The following ADGRL4 variants were observed in gnomAD, a reference collection of about 807,000 sequenced individuals.
The protein encoded by ADGRL4 is adhesion G protein-coupled receptor L4, also known as EGF, latrophilin and seven transmembrane domain containing 1.
ADGRL4 carries 90 observed loss-of-function variants against 74.8 expected under a neutral mutation model. That is an observed-to-expected ratio of 1.20 (90% CI 1.02 to 1.43). ADGRL4 has a LOEUF of 1.43. Ranked by LOEUF, ADGRL4 falls within the 40% of genes most tolerant of loss-of-function variation. The pLI, the probability that ADGRL4 is intolerant of heterozygous loss-of-function variation, is 0.00. For missense variants in ADGRL4, 881 were observed against 814.3 expected (o/e 1.08, Z -1.00); for synonymous variants, 311 against 279.2 (o/e 1.11, Z -1.14).
At chr1:78,928,346 G>A (rs769283005) in intron 7 of ADGRL4, among the ~76,000 whole-genome samples, 2 of 151,064 alleles carry the variant, frequency 1.3e-5, no homozygotes, top group Admixed American at 1.3e-4. Flanking sequence ...CCATTCCCAG[G>A]GTTTTGAACT....
At chr1:78,988,652 A>G (rs1048541382) in intron 2 of ADGRL4, among the ~76,000 whole-genome samples, 2 of 151,806 alleles carry the variant, frequency 1.3e-5, no homozygotes, top group Admixed American at 6.6e-5. Flanking sequence ...CCTCTCAACC[A>G]GTTTCTGTCA....
chr1:78,961,121 C>T (rs1649942909), intron 2 of ADGRL4, among the ~76,000 whole-genome samples: 1 of 151,100 alleles, frequency 6.6e-6, no homozygotes, highest in Non-Finnish European at 1.5e-5. Flanking sequence ...GTCTTGCTGT[C>T]ACCAGGCTGA....
chr1:78,985,011 A>G (rs183116576), intron 2 of ADGRL4, among the ~76,000 whole-genome samples: 94 of 151,832 alleles, frequency 6.2e-4, no homozygotes, highest in African/African-American at 2.2e-3. Context: ...ACCTATATGT[A>G]TATATATTTG....
chr1:78,922,544 T>C (rs1409108455), intron 8 of ADGRL4, among the ~76,000 whole-genome samples: 1 of 152,032 alleles, frequency 6.6e-6, no homozygotes, highest in South Asian at 2.1e-4. Context: ...TACTTTTATA[T>C]TAACTAATCA....
intron 2 of ADGRL4, among the ~76,000 whole-genome samples, chr1:78,996,989 G>A (rs762496057): frequency 6.6e-6 from 1 of 152,116 alleles, no homozygotes; most frequent in Non-Finnish European, 1.5e-5. Context: ...ATCAAATGAA[G>A]CAGAGGTTCT....
intron 12 of ADGRL4, among the ~76,000 whole-genome samples, chr1:78,903,836 T>G (rs148221173): frequency 0.038 from 5,844 of 151,868 alleles, 149 homozygotes; most frequent in South Asian, 0.067. Flanking sequence ...CTCAGGAGGC[T>G]GAGGCAGGAG....
chr1:78,948,591 G>A lies in ADGRL4; in HGVS notation c.173-2165C>T, dbSNP rs137931184. On this transcript the variant is annotated intron_variant, in intron 2 of 14. Coordinates refer to ENST00000370742, the MANE Select transcript of ADGRL4 (RefSeq NM_022159.4). Reference sequence around the variant, plus strand: ...TTATGAATAGTCTTCTATAAAATGCGGAAGAGTTAATACTTTATTAACATG... The same window carrying A: ...TTATGAATAGTCTTCTATAAAATGCAGAAGAGTTAATACTTTATTAACATG... Among the ~76,000 whole-genome samples, 20 of 151,890 alleles carry A rather than the reference G, an allele frequency of 1.3e-4. 1 individual carries two copies. The East Asian group carries it at 2.3e-3, about 18-fold the overall frequency.
At chr1:78,977,170 A>T (rs553057152) in intron 2 of ADGRL4, among the ~76,000 whole-genome samples, 1 of 151,920 alleles carries the variant, frequency 6.6e-6, no homozygotes, top group African/African-American at 2.4e-5. Context: ...ATGAAAAAGA[A>T]AAGATATTAT....
intron 2 of ADGRL4, among the ~76,000 whole-genome samples, chr1:78,985,013 A>C (rs1467806730): frequency 6.6e-6 from 1 of 151,694 alleles, no homozygotes; most frequent in African/African-American, 2.4e-5. Context: ...CTATATGTAT[A>C]TATATTTGCT....
chr1:78,917,700 T>A lies in ADGRL4; in HGVS notation c.1683A>T (p.Val561=). Residue 561 remains valine (V), a splice_region_variant and synonymous_variant, in exon 12 of 15, where the codon GTA becomes GTT. Coordinates refer to ENST00000370742, the MANE Select transcript of ADGRL4 (RefSeq NM_022159.4). ...LGYRYYGTTK[V]CWLSTENNFI... ...AGTTGTTTTCGGTGCTAAGCCAACA[T>A]CTGAAAAGTAAATAAAAGATAGAAT... 1 of 1,606,236 alleles carries A rather than the reference T, an allele frequency of 6.2e-7. No homozygotes were observed. The highest frequency in any genetic ancestry group is 1.7e-4 in the Middle Eastern group (1 of 5,860).
chr1:78,989,544 G>A (rs1369045590), intron 2 of ADGRL4, among the ~76,000 whole-genome samples: 1 of 151,762 alleles, frequency 6.6e-6, no homozygotes, highest in Non-Finnish European at 1.5e-5. Context: ...TAAAGAATGG[G>A]GAGTAATATG....
intron 3 of ADGRL4, among the ~76,000 whole-genome samples, chr1:78,944,681 T>C (rs1178911295): frequency 6.6e-6 from 1 of 152,164 alleles, no homozygotes; most frequent in Non-Finnish European, 1.5e-5. Flanking sequence ...TCCATGGAAA[T>C]AACAAAGGGT....
chr1:78,993,189 A>G (rs758944115), intron 2 of ADGRL4, among the ~76,000 whole-genome samples: 6 of 152,176 alleles, frequency 3.9e-5, no homozygotes, highest in Non-Finnish European at 8.8e-5. Flanking sequence ...AAGTTCTCAT[A>G]AAATGACTTA....
At chr1:78,980,691 C>T (rs1015590540) in intron 2 of ADGRL4, among the ~76,000 whole-genome samples, 1 of 151,804 alleles carries the variant, frequency 6.6e-6, no homozygotes, top group Non-Finnish European at 1.5e-5. Flanking sequence ...ACTTTATTTC[C>T]TCACAGAATC....
At chr1:78,988,722 G>A (rs572296509) in intron 2 of ADGRL4, among the ~76,000 whole-genome samples, 2 of 151,882 alleles carry the variant, frequency 1.3e-5, no homozygotes, top group Admixed American at 1.3e-4. Context: ...CACAAGGTGA[G>A]TCTACAGATC....
In ADGRL4 at chr1:78,947,709, T is replaced by C. The variant is rs1265586494; in HGVS notation, c.173-1283A>G. ...AAAGGAAAATAAAGGAATAAAAAATTTTGGACAAAGTTGCAGGCAGAAAAG... is the reference window on the plus strand; with the variant it reads ...AAAGGAAAATAAAGGAATAAAAAATCTTGGACAAAGTTGCAGGCAGAAAAG... On this transcript the variant is annotated intron_variant, in intron 2 of 14. Transcript: ENST00000370742. 3.3e-5 allele frequency among the ~76,000 whole-genome samples: 5 copies of C among 152,104 alleles called. No individual in the cohort carries two copies. The East Asian group carries it at 9.7e-4, about 29-fold the overall frequency.
intron 2 of ADGRL4, among the ~76,000 whole-genome samples, chr1:78,973,525 C>T (rs1282726879): frequency 1.3e-5 from 2 of 150,846 alleles, no homozygotes; most frequent in South Asian, 2.1e-4. Flanking sequence ...GTAACACACG[C>T]AAATCTCTCC....
chr1:78,992,807 T>A (rs1650634731), intron 2 of ADGRL4, among the ~76,000 whole-genome samples: 1 of 152,098 alleles, frequency 6.6e-6, no homozygotes, highest in Non-Finnish European at 1.5e-5. Flanking sequence ...ACAAAAGCTA[T>A]ATAATATATA....
intron 8 of ADGRL4, 40 bp downstream of exon 8, chr1:78,926,846 A>G: frequency 7.0e-7 from 1 of 1,424,316 alleles, no homozygotes; most frequent in Admixed American, 1.7e-5. Flanking sequence ...CTCTGACTGT[A>G]TCACAATCAT....
Sources: gnomAD v4.1 joint callset for allele counts (sites outside exome capture counted in the v4.1 genomes callset) on GRCh38, gnomAD v4.1.1 for gene constraint, MANE v1.5 for transcripts, NCBI Gene and HGNC (gene_info 2026-07-23, HGNC 2026-07-21) for gene names.